NELL2: variants seen among roughly 807,000 people sequenced by gnomAD.
NELL2 encodes the protein neural EGFL like 2.
In NELL2, 41 loss-of-function variants were observed where a neutral mutation model predicts 109.6. The observed-to-expected ratio is 0.37, with a 90% CI of 0.29 to 0.49. The LOEUF is 0.49. NELL2 is among the 20% of genes least tolerant of loss of function. The pLI is 0.98. For synonymous variants in NELL2, 355 were observed against 344.7 expected (o/e 1.03, Z -0.33); for missense variants, 900 against 1,008.3 (o/e 0.89, Z 1.45).
intron 12 of NELL2, among the ~76,000 whole-genome samples, chr12:44,677,935 C>T (rs910124941): frequency 3.9e-5 from 6 of 151,998 alleles, no homozygotes; most frequent in Non-Finnish European, 7.4e-5. Flanking sequence ...GTCCCAGAGG[C>T]AGTGAGATAT....
chr12:44,752,524 G>A (rs568888678), intron 9 of NELL2, among the ~76,000 whole-genome samples: 8 of 152,294 alleles, frequency 5.3e-5, no homozygotes, highest in African/African-American at 1.7e-4. Context: ...AGATCTGACT[G>A]CAGTTAATTA....
chr12:44,712,200 C>G (rs576187159), intron 10 of NELL2, among the ~76,000 whole-genome samples: 1 of 152,148 alleles, frequency 6.6e-6, no homozygotes, highest in African/African-American at 2.4e-5. Flanking sequence ...TTGGAACTTG[C>G]AAGCTTCCAT....
chr12:44,693,300 T>A (rs1948956348), intron 12 of NELL2, among the ~76,000 whole-genome samples: 1 of 152,218 alleles, frequency 6.6e-6, no homozygotes, highest in Non-Finnish European at 1.5e-5. Context: ...CATACATTTT[T>A]AAAGACATAA....
intron 12 of NELL2, among the ~76,000 whole-genome samples, chr12:44,689,084 A>T (rs967796829): frequency 1.3e-5 from 2 of 152,192 alleles, no homozygotes; most frequent in Non-Finnish European, 2.9e-5. Context: ...GTTGCCCTTC[A>T]AAGTCTCCCC....
chr12:44,604,191 G>T (rs921484985), intron 15 of NELL2, among the ~76,000 whole-genome samples: 1 of 151,760 alleles, frequency 6.6e-6, no homozygotes, highest in African/African-American at 2.4e-5. Context: ...AGGAAGAAAA[G>T]AAGAAAGAGA....
intron 13 of NELL2, among the ~76,000 whole-genome samples, chr12:44,644,579 A>AGT (rs1491264009): frequency 2.0e-4 from 14 of 70,088 alleles, no homozygotes; most frequent in Non-Finnish European, 3.1e-4. Flanking sequence ...GACAAAGTAA[A>AGT]GTATATATAT....
At chr12:44,855,620 C>T (rs1044053815) in intron 2 of NELL2, among the ~76,000 whole-genome samples, 3 of 152,126 alleles carry the variant, frequency 2.0e-5, no homozygotes, top group African/African-American at 4.8e-5. Flanking sequence ...TGGAGAAGTA[C>T]CATAGCATAA....
At chr12:44,871,498 A>T (rs752536489) in intron 2 of NELL2, among the ~76,000 whole-genome samples, 39 of 152,310 alleles carry the variant, frequency 2.6e-4, no homozygotes, top group Non-Finnish European at 2.2e-4. Flanking sequence ...AGCTTAGAGA[A>T]ATTAAGTAAC....
chr12:44,582,406 A>G (rs1013757150), intron 15 of NELL2, among the ~76,000 whole-genome samples: 1 of 152,042 alleles, frequency 6.6e-6, no homozygotes, highest in Non-Finnish European at 1.5e-5. Context: ...AGAAAGAGCA[A>G]GAAAGTTAGG....
At chr12:44,796,499 T>A (rs1449186742) in intron 3 of NELL2, among the ~76,000 whole-genome samples, 1 of 152,126 alleles carries the variant, frequency 6.6e-6, no homozygotes, top group Non-Finnish European at 1.5e-5. Context: ...TTCTTAATAA[T>A]AACTTTTTAG....
At chr12:44,893,602 C>A (rs990965570) in intron 1 of NELL2, among the ~76,000 whole-genome samples, 1 of 152,066 alleles carries the variant, frequency 6.6e-6, no homozygotes, top group South Asian at 2.1e-4. Context: ...CATTGCATAT[C>A]AGGAGTAACT....
intron 2 of NELL2, among the ~76,000 whole-genome samples, chr12:44,828,789 A>G (rs1228476701): frequency 6.6e-6 from 1 of 152,190 alleles, no homozygotes; most frequent in Non-Finnish European, 1.5e-5. Context: ...AGATTTATCT[A>G]TAACAAATAC....
At chr12:44,890,284 T>A (rs543412998) in intron 1 of NELL2, among the ~76,000 whole-genome samples, 1 of 152,180 alleles carries the variant, frequency 6.6e-6, no homozygotes, top group Admixed American at 6.5e-5. Flanking sequence ...CCTTTCCCTA[T>A]ACAGGCTGAC....
chr12:44,834,436 CTTTT>C (rs36048159), intron 2 of NELL2, among the ~76,000 whole-genome samples: 9 of 131,546 alleles, frequency 6.8e-5, no homozygotes, highest in African/African-American at 1.1e-4. Flanking sequence ...CACACGCATT[CTTTT>C]TTTTTTTTTT....
chr12:44,651,691 G>T lies in NELL2; in HGVS notation c.1444+13793C>A, dbSNP rs542183209. On this transcript the variant is annotated intron_variant, in intron 13 of 19. Transcript: ENST00000429094. ...TAATTCTTATAGTAAAATCTCCATG[G>T]TTTAAGATGATCATATTTATGATCA... Among the ~76,000 whole-genome samples the T allele has an allele frequency of 1.8e-4, 28 of 152,168 alleles. No individual in the cohort carries two copies. In the South Asian group the frequency reaches 5.0e-3, roughly 27 times the overall value.
At chr12:44,652,940 C>G (rs1592274305) in intron 13 of NELL2, among the ~76,000 whole-genome samples, 1 of 152,174 alleles carries the variant, frequency 6.6e-6, no homozygotes, top group Non-Finnish European at 1.5e-5. Flanking sequence ...GACCAGTCTT[C>G]CATAGTCACA....
upstream of NELL2, among the ~76,000 whole-genome samples, chr12:44,916,085 T>G (rs968827006): frequency 6.6e-6 from 1 of 152,214 alleles, no homozygotes; most frequent in Non-Finnish European, 1.5e-5. Flanking sequence ...TCAAGGATGT[T>G]TAAATCAAAG....
upstream of NELL2, chr12:44,877,239 T>C (rs79895218): frequency 0.02 from 3,030 of 152,588 alleles, 91 homozygotes; most frequent in East Asian, 0.16. Flanking sequence ...ATCCCACTGT[T>C]GACCACACTC....
At chr12:44,643,699 A>G (rs1946943441) in intron 13 of NELL2, among the ~76,000 whole-genome samples, 3 of 152,200 alleles carry the variant, frequency 2.0e-5, no homozygotes, top group Non-Finnish European at 4.4e-5. Flanking sequence ...ACGTAGATGC[A>G]GTATATTTAT....
Sources: allele counts gnomAD v4.1 joint callset (sites outside exome capture counted in the v4.1 genomes callset), GRCh38; gene constraint gnomAD v4.1.1; transcripts MANE v1.5; gene names NCBI Gene and HGNC (gene_info 2026-07-23, HGNC 2026-07-21).